UBA6: variants seen among roughly 807,000 people sequenced by gnomAD.
The protein encoded by UBA6 is ubiquitin-like modifier-activating enzyme 6.
A neutral mutation model predicts 148.3 loss-of-function variants in UBA6; 87 were observed. The ratio of observed to expected loss-of-function variants is 0.59; its 90% CI spans 0.49 to 0.70. The LOEUF is 0.70. Among genes scored for constraint, UBA6 ranks in the 30% least tolerant of loss-of-function variants. UBA6 has a pLI of 0.00. For missense variants in UBA6, 1,186 were observed against 1,241.2 expected, an observed-to-expected ratio of 0.96 and a Z score of 0.67; for synonymous variants, 376 against 401.0, an observed-to-expected ratio of 0.94 and a Z score of 0.75.
chr4:67,660,875 A>G (rs1729833827), intron 13 of UBA6, among the ~76,000 whole-genome samples: 2 of 152,204 alleles, frequency 1.3e-5, no homozygotes, highest in Non-Finnish European at 2.9e-5. Context: ...GCTGCCCAAG[A>G]CCATGGGAAC....
chr4:67,623,078 C>A, intron 31 of UBA6, 57 bp downstream of exon 31: 1 of 1,451,426 alleles, frequency 6.9e-7, no homozygotes. Flanking sequence ...TAAATAAAAA[C>A]AAAACAGAAA....
intron 13 of UBA6, among the ~76,000 whole-genome samples, chr4:67,653,764 A>G (rs1729615423): frequency 6.6e-6 from 1 of 152,220 alleles, no homozygotes; most frequent in South Asian, 2.1e-4. Flanking sequence ...GTTCTAACCC[A>G]TTGCAAGGAA....
At chr4:67,696,996 G>GT (rs1730856494) in intron 1 of UBA6, among the ~76,000 whole-genome samples, 1 of 151,850 alleles carries the variant, frequency 6.6e-6, no homozygotes, top group Admixed American at 6.6e-5. Flanking sequence ...TGTTGTTGTT[G>GT]TTGTTTGTTT....
At chr4:67,626,208 G>C in intron 28 of UBA6, 152 bp downstream of exon 28, 1 of 615,558 alleles carries the variant, frequency 1.6e-6, no homozygotes, top group South Asian at 1.9e-5. Flanking sequence ...CACAGTTAAA[G>C]ATGAACACTG....
At chr4:67,655,564 C>T (rs183122357) in intron 13 of UBA6, among the ~76,000 whole-genome samples, 2 of 152,270 alleles carry the variant, frequency 1.3e-5, no homozygotes, top group Admixed American at 1.3e-4. Flanking sequence ...ATTTATAGCA[C>T]TAAATGCCCA....
At chr4:67,690,982 G>A (rs1203934850) in intron 2 of UBA6, among the ~76,000 whole-genome samples, 1 of 152,098 alleles carries the variant, frequency 6.6e-6, no homozygotes, top group African/African-American at 2.4e-5. Context: ...AGATCTTGAA[G>A]AAATATTTGC....
At chr4:67,621,719 C>T (rs572384536) in intron 32 of UBA6, among the ~76,000 whole-genome samples, 3 of 152,102 alleles carry the variant, frequency 2.0e-5, no homozygotes, top group East Asian at 3.9e-4. Context: ...GCAGGAGAAT[C>T]GCTTGAACTC....
chr4:67,671,794 C>T (rs1050954037), intron 7 of UBA6, among the ~76,000 whole-genome samples: 3 of 152,188 alleles, frequency 2.0e-5, no homozygotes, highest in African/African-American at 4.8e-5. Flanking sequence ...CAAAAACAAA[C>T]GAGATGAGGT....
At chr4:67,628,670 G>A (rs1299734163) in intron 27 of UBA6, among the ~76,000 whole-genome samples, 2 of 151,752 alleles carry the variant, frequency 1.3e-5, no homozygotes, top group Admixed American at 1.3e-4. Context: ...TCCTTCAGAA[G>A]GTATTATTAT....
rs1729237274 is a variant in UBA6 at position 67,639,019 on chromosome 4, T to G, written c.1660A>C (p.Asn554His). The G allele has an allele frequency of 6.2e-7, 1 of 1,613,010 alleles. No individual in the cohort carries two copies. Among genetic ancestry groups the G allele is most frequent in the African/African-American group, 1.3e-5 (1 of 74,916 alleles). The change falls in exon 19 of 33, where the codon AAT (asparagine) becomes CAT (histidine). Residue 554 changes from asparagine (N) to histidine (H), a missense_variant. Asn to His is a moderately conservative substitution (Grantham distance 68). Coordinates refer to ENST00000322244, the MANE Select transcript of UBA6 (RefSeq NM_018227.6). ...TCTTGTTTAGTATAGAACTCATCAT[T>G]GTAAATGGTCTCAGTGGTTGGACAT... ...KVCPTTETIY[N>H]DEFYTKQDVI... is the part of the protein sequence containing the mutation.
At chr4:67,642,071 GA>G (rs1318741338) in intron 17 of UBA6, among the ~76,000 whole-genome samples, 3 of 151,170 alleles carry the variant, frequency 2.0e-5, no homozygotes, top group Non-Finnish European at 4.4e-5. Context: ...TCTTTTAATG[GA>G]AAAAAAATCA....
intron 27 of UBA6, among the ~76,000 whole-genome samples, chr4:67,627,824 G>C (rs1045854543): frequency 6.6e-5 from 10 of 150,518 alleles, no homozygotes; most frequent in Non-Finnish European, 1.0e-4. Flanking sequence ...GATTTTTAGA[G>C]AACATACAAG....
chr4:67,694,360 A>T (rs1305086144), intron 2 of UBA6, among the ~76,000 whole-genome samples: 2 of 148,508 alleles, frequency 1.3e-5, no homozygotes, highest in African/African-American at 4.9e-5. Context: ...TTGTGTGAAA[A>T]TCTCACATTT....
At chr4:67,630,948 G>A (rs2109901173) in intron 25 of UBA6, among the ~76,000 whole-genome samples, 1 of 152,258 alleles carries the variant, frequency 6.6e-6, no homozygotes, top group East Asian at 1.9e-4. Context: ...AAGTCTTATA[G>A]AAGAAGCAGT....
intron 13 of UBA6, among the ~76,000 whole-genome samples, chr4:67,652,397 C>G (rs562063431): frequency 6.6e-6 from 1 of 152,172 alleles, no homozygotes; most frequent in Non-Finnish European, 1.5e-5. Flanking sequence ...TACTACCACA[C>G]ACATAAAAAT....
At chr4:67,634,202 A>G in intron 22 of UBA6, 40 bp downstream of exon 22, 1 of 1,372,412 alleles carries the variant, frequency 7.3e-7, no homozygotes, top group Non-Finnish European at 1.0e-6. Flanking sequence ...TTACACTGAC[A>G]CAAAGTGTTA....
At chr4:67,679,050 G>A (rs577815315) in intron 4 of UBA6, among the ~76,000 whole-genome samples, 8 of 152,026 alleles carry the variant, frequency 5.3e-5, no homozygotes, top group African/African-American at 1.4e-4. Context: ...TGATACATCC[G>A]TACAATGTAT....
rs538249915 is a variant in UBA6, at chr4:67,700,218, A to G, written c.71+831T>C. ...AGTGTTGGCAATGGCAGACAACACC[A>G]TGAAACTGAAAGCATCCCTTCAGTC... On this transcript the variant is annotated intron_variant, in intron 1 of 32. Transcript: ENST00000322244. Among the ~76,000 whole-genome samples the G allele has an allele frequency of 1.1e-4, 17 of 152,380 alleles. No homozygotes were observed. In the East Asian group the frequency reaches 3.1e-3, roughly 28 times the overall value.
At chr4:67,700,040 C>T (rs945582648) in intron 1 of UBA6, among the ~76,000 whole-genome samples, 2 of 152,202 alleles carry the variant, frequency 1.3e-5, no homozygotes, top group East Asian at 1.9e-4. Flanking sequence ...GTCTAACTAG[C>T]TCTGCCACTT....
Sources: allele counts gnomAD v4.1 joint callset (sites outside exome capture counted in the v4.1 genomes callset), GRCh38; gene constraint gnomAD v4.1.1; transcripts MANE v1.5; gene names NCBI Gene and HGNC (gene_info 2026-07-23, HGNC 2026-07-21).